SGMS1: variants seen among roughly 807,000 people sequenced by gnomAD.
SGMS1 encodes phosphatidylcholine:ceramide cholinephosphotransferase 1.
Under a neutral mutation model 46.2 loss-of-function variants are expected in SGMS1, and 13 were observed. That is an observed-to-expected ratio of 0.28 (90% CI 0.18 to 0.45). The LOEUF (loss-of-function observed/expected upper bound fraction) is 0.45, where lower values mean the gene tolerates loss of function less well. SGMS1 is among the 20% of genes least tolerant of loss of function. The probability of loss-of-function intolerance (pLI) is 1.00; values close to 1 mark genes in which losing one functional copy is unlikely to be tolerated. For synonymous variants in SGMS1, 203 were observed against 187.8 expected (o/e 1.08, Z -0.66); for missense variants, 324 against 519.9 (o/e 0.62, Z 3.66).
chr10:50,480,749 C>T (rs1312821492), intron 3 of SGMS1, among the ~76,000 whole-genome samples: 1 of 152,136 alleles, frequency 6.6e-6, no homozygotes, highest in Non-Finnish European at 1.5e-5. Context: ...CTGAAGGCTA[C>T]CTAAGATGAC....
chr10:50,501,451 A>C (rs547472656), intron 3 of SGMS1, among the ~76,000 whole-genome samples: 1 of 152,330 alleles, frequency 6.6e-6, no homozygotes, highest in South Asian at 2.1e-4. Context: ...AAGTAGGTAG[A>C]ATGCTTGGTG....
intron 7 of SGMS1, chr10:50,341,087 T>C (rs1394198636): frequency 3.4e-6 from 1 of 296,454 alleles, no homozygotes; most frequent in Admixed American, 4.0e-5. Flanking sequence ...AGAAGTTAAC[T>C]CTCTGCTAAG....
chr10:50,610,437 G>A (rs1282382096), intron 1 of SGMS1, among the ~76,000 whole-genome samples: 1 of 152,080 alleles, frequency 6.6e-6, no homozygotes, highest in Non-Finnish European at 1.5e-5. Context: ...CCCATCCAGG[G>A]ACCCCCAATA....
intron 6 of SGMS1, among the ~76,000 whole-genome samples, chr10:50,351,541 A>G (rs945757074): frequency 6.6e-6 from 1 of 152,156 alleles, no homozygotes; most frequent in African/African-American, 2.4e-5. Flanking sequence ...TGTGACAGGG[A>G]CCCAGTGGGA....
At chr10:50,409,796 C>T (rs759928986) in intron 6 of SGMS1, among the ~76,000 whole-genome samples, 48 of 152,058 alleles carry the variant, frequency 3.2e-4, no homozygotes, top group African/African-American at 1.0e-3. Context: ...AATATATCAA[C>T]GGGAATATAA....
At chr10:50,538,696 T>C (rs1838026078) in intron 2 of SGMS1, among the ~76,000 whole-genome samples, 1 of 152,186 alleles carries the variant, frequency 6.6e-6, no homozygotes, top group Non-Finnish European at 1.5e-5. Flanking sequence ...CACTGACAAC[T>C]TCTGTGTCTA....
chr10:50,459,630 C>T (rs1046279785), intron 5 of SGMS1, among the ~76,000 whole-genome samples: 1 of 152,214 alleles, frequency 6.6e-6, no homozygotes, highest in Admixed American at 6.5e-5. Context: ...TCTCAAACTC[C>T]TGACCTCAGG....
At chr10:50,351,197 T>A (rs1168935102) in intron 6 of SGMS1, among the ~76,000 whole-genome samples, 1 of 152,240 alleles carries the variant, frequency 6.6e-6, no homozygotes, top group Non-Finnish European at 1.5e-5. Context: ...CATGGGTCTG[T>A]AACCCCTTTG....
Position 50,443,448 on chromosome 10 carries a change from C to T in SGMS1, c.-312-9892G>A, listed in dbSNP as rs1447518973. Among the ~76,000 whole-genome samples the T allele has an allele frequency of 3.3e-5, 5 of 151,932 alleles. No homozygotes were observed. The South Asian group carries it at 8.3e-4, about 25-fold the overall frequency. On this transcript the variant is annotated intron_variant, in intron 5 of 10. Transcript: ENST00000361781. ...ATGAGAAGAAGAAGAGGAATGATGGCAGACATCTCATTCGAAACAGGTGTC... is the reference window on the plus strand; with the variant it reads ...ATGAGAAGAAGAAGAGGAATGATGGTAGACATCTCATTCGAAACAGGTGTC...
chr10:50,399,512 A>G (rs141133693), intron 6 of SGMS1, among the ~76,000 whole-genome samples: 59 of 152,342 alleles, frequency 3.9e-4, no homozygotes, highest in African/African-American at 1.3e-3. Flanking sequence ...GTTAAATTAT[A>G]TACAATGACA....
chr10:50,349,170 A>G (rs1847964153), intron 6 of SGMS1, among the ~76,000 whole-genome samples: 1 of 152,248 alleles, frequency 6.6e-6, no homozygotes, highest in Non-Finnish European at 1.5e-5. Context: ...TAACTGGGAC[A>G]ACAAAATTAT....
At chr10:50,341,103 C>G (rs1847811440) in intron 7 of SGMS1, 1 of 328,900 alleles carries the variant, frequency 3.0e-6, no homozygotes, top group African/African-American at 2.1e-5. Flanking sequence ...CTAAGAATAT[C>G]CCATAACCAG....
At chr10:50,531,590 T>C (rs1837954091) in intron 2 of SGMS1, among the ~76,000 whole-genome samples, 4 of 152,206 alleles carry the variant, frequency 2.6e-5, no homozygotes, top group Admixed American at 2.6e-4. Flanking sequence ...ATCCCCACAG[T>C]GTCACTCAAA....
intron 1 of SGMS1, among the ~76,000 whole-genome samples, chr10:50,608,469 T>C (rs1254496917): frequency 6.6e-6 from 1 of 152,204 alleles, no homozygotes; most frequent in Non-Finnish European, 1.5e-5. Context: ...CAGCACAGGC[T>C]GTACACCACA....
At chr10:50,510,465 A>C (rs1315298992) in intron 3 of SGMS1, among the ~76,000 whole-genome samples, 1 of 152,188 alleles carries the variant, frequency 6.6e-6, no homozygotes, top group Non-Finnish European at 1.5e-5. Flanking sequence ...CTATTTTCCA[A>C]AGTGGCTATA....
At chr10:50,495,906 G>C (rs1310296332) in intron 3 of SGMS1, among the ~76,000 whole-genome samples, 2 of 152,288 alleles carry the variant, frequency 1.3e-5, no homozygotes, top group East Asian at 3.9e-4. Context: ...TGAGATGAAA[G>C]GGAGGATTTT....
chr10:50,347,522 G>A (rs909753633), intron 6 of SGMS1, among the ~76,000 whole-genome samples: 5 of 152,230 alleles, frequency 3.3e-5, no homozygotes, highest in Non-Finnish European at 7.3e-5. Flanking sequence ...AGGTCAGGAA[G>A]AAAAGGGGAA....
chr10:50,619,722 T>C (rs1263550992), intron 1 of SGMS1, among the ~76,000 whole-genome samples: 1 of 152,208 alleles, frequency 6.6e-6, no homozygotes, highest in Non-Finnish European at 1.5e-5. Context: ...AATGGTTGCT[T>C]CAGTTAAAGC....
At chr10:50,545,672 AGGT>A (rs376903938) in intron 2 of SGMS1, among the ~76,000 whole-genome samples, 1 of 152,144 alleles carries the variant, frequency 6.6e-6, no homozygotes, top group African/African-American at 2.4e-5. Flanking sequence ...TCCTGACCTC[AGGT>A]GATCTGCCCA....
Sources: allele counts gnomAD v4.1 joint callset (sites outside exome capture counted in the v4.1 genomes callset), GRCh38; gene constraint gnomAD v4.1.1; transcripts MANE v1.5; gene names NCBI Gene and HGNC (gene_info 2026-07-23, HGNC 2026-07-21).